JAKMIP2: variants seen among roughly 807,000 people sequenced by gnomAD.
JAKMIP2 encodes the protein janus kinase and microtubule interacting protein 2, also known as janus kinase and microtubule-interacting protein 2.
JAKMIP2 carries 25 observed loss-of-function variants against 115.0 expected under a neutral mutation model. The ratio of observed to expected loss-of-function variants is 0.22; its 90% CI spans 0.16 to 0.30. The LOEUF is 0.30. Among genes scored for constraint, JAKMIP2 ranks in the 10% least tolerant of loss-of-function variants. The probability of loss-of-function intolerance (pLI) is 1.00; values close to 1 mark genes in which losing one functional copy is unlikely to be tolerated. For missense variants in JAKMIP2, 642 were observed against 957.6 expected, an observed-to-expected ratio of 0.67 and a Z score of 4.35; for synonymous variants, 334 against 343.6, an observed-to-expected ratio of 0.97 and a Z score of 0.31.
chr5:147,723,783 TC>T (rs1397259227), intron 1 of JAKMIP2, among the ~76,000 whole-genome samples: 1 of 152,166 alleles, frequency 6.6e-6, no homozygotes, highest in African/African-American at 2.4e-5. Flanking sequence ...TTCTGTCTTA[TC>T]CACCAGCCAT....
intron 1 of JAKMIP2, among the ~76,000 whole-genome samples, chr5:147,703,397 G>T (rs1265122199): frequency 6.6e-6 from 1 of 151,998 alleles, no homozygotes; most frequent in Non-Finnish European, 1.5e-5. Flanking sequence ...GAAAATAAAT[G>T]GTACACCTGT....
intron 14 of JAKMIP2, 64 bp from the exon 15 acceptor site, chr5:147,629,810 A>G: frequency 7.7e-7 from 1 of 1,293,250 alleles, no homozygotes. Context: ...TCAGTGCCTG[A>G]ACATGAAGTT....
chr5:147,596,886 T>C (rs769889171), intron 21 of JAKMIP2, among the ~76,000 whole-genome samples: 3 of 152,028 alleles, frequency 2.0e-5, no homozygotes, highest in Non-Finnish European at 4.4e-5. Context: ...ATTTTTTTGG[T>C]GGGGGGATGG....
At chr5:147,604,989 C>G (rs1474515125) in intron 20 of JAKMIP2, among the ~76,000 whole-genome samples, 2 of 151,736 alleles carry the variant, frequency 1.3e-5, no homozygotes, top group Non-Finnish European at 1.5e-5. Context: ...CCCCACCCCC[C>G]GACAGGCCCT....
intron 1 of JAKMIP2, among the ~76,000 whole-genome samples, chr5:147,693,571 C>T (rs1420667932): frequency 7.2e-5 from 11 of 151,788 alleles, no homozygotes; most frequent in Non-Finnish European, 1.0e-4. Context: ...ATCACAAACA[C>T]ATTTTTTAAT....
chr5:147,779,330 C>G (rs149351072), intron 1 of JAKMIP2, among the ~76,000 whole-genome samples: 1 of 151,976 alleles, frequency 6.6e-6, no homozygotes, highest in African/African-American at 2.4e-5. Flanking sequence ...ACATGAATGA[C>G]ATTTTTAAGA....
At chr5:147,628,304 T>C (rs1049183640) in intron 16 of JAKMIP2, among the ~76,000 whole-genome samples, 6 of 152,158 alleles carry the variant, frequency 3.9e-5, no homozygotes, top group African/African-American at 1.4e-4. Context: ...ACAGTCTCTA[T>C]GTCGGACTTT....
chr5:147,616,501 GATAACT>G (rs1213522817), intron 19 of JAKMIP2, among the ~76,000 whole-genome samples: 7 of 152,142 alleles, frequency 4.6e-5, no homozygotes, highest in African/African-American at 1.4e-4. Context: ...AATAAATTTA[GATAACT>G]ATGAGTCCAT....
intron 13 of JAKMIP2, among the ~76,000 whole-genome samples, chr5:147,631,952 C>G (rs1229707328): frequency 6.6e-6 from 1 of 152,158 alleles, no homozygotes; most frequent in East Asian, 1.9e-4. Context: ...AACTTTTTAT[C>G]CAGACCTAAT....
intron 7 of JAKMIP2, among the ~76,000 whole-genome samples, chr5:147,642,700 CT>C (rs1027506459): frequency 6.6e-5 from 10 of 151,352 alleles, no homozygotes; most frequent in African/African-American, 2.4e-4. Context: ...AATGCAGCCT[CT>C]ATATATGAGA....
At chr5:147,610,069 A>T (rs919998859) in intron 20 of JAKMIP2, among the ~76,000 whole-genome samples, 1 of 152,182 alleles carries the variant, frequency 6.6e-6, no homozygotes, top group Non-Finnish European at 1.5e-5. Context: ...TATTCTAGTT[A>T]GCAATTCCTC....
chr5:147,731,453 T>G (rs1252544099), intron 1 of JAKMIP2, among the ~76,000 whole-genome samples: 1 of 152,176 alleles, frequency 6.6e-6, no homozygotes, highest in Non-Finnish European at 1.5e-5. Flanking sequence ...TGGGAATAAA[T>G]GAGGACTGTT....
intron 16 of JAKMIP2, among the ~76,000 whole-genome samples, chr5:147,628,302 T>C (rs1396805722): frequency 2.6e-5 from 4 of 152,142 alleles, no homozygotes; most frequent in Admixed American, 2.0e-4. Flanking sequence ...TGACAGTCTC[T>C]ATGTCGGACT....
intron 1 of JAKMIP2, among the ~76,000 whole-genome samples, chr5:147,693,465 C>T (rs1751964147): frequency 6.6e-6 from 1 of 152,164 alleles, no homozygotes; most frequent in Non-Finnish European, 1.5e-5. Context: ...ATCAGAACTA[C>T]ACATTGCAAA....
intron 1 of JAKMIP2, among the ~76,000 whole-genome samples, chr5:147,682,531 T>C (rs556819115): frequency 2.6e-4 from 39 of 152,332 alleles, no homozygotes; most frequent in African/African-American, 8.9e-4. Context: ...TAATTATTAT[T>C]CAGGTGACTG....
intron 2 of JAKMIP2, among the ~76,000 whole-genome samples, chr5:147,666,803 T>A (rs1759320341): frequency 6.6e-6 from 1 of 152,192 alleles, no homozygotes; most frequent in Admixed American, 6.5e-5. Flanking sequence ...ATCATTCTCT[T>A]ACGGCTATTG....
intron 1 of JAKMIP2, among the ~76,000 whole-genome samples, chr5:147,683,133 A>T (rs1760383706): frequency 6.6e-6 from 1 of 152,250 alleles, no homozygotes; most frequent in African/African-American, 2.4e-5. Context: ...AGGCAGAGCA[A>T]GAAACATGCA....
At chr5:147,769,016 G>A (rs1232569765) in intron 1 of JAKMIP2, among the ~76,000 whole-genome samples, 1 of 152,038 alleles carries the variant, frequency 6.6e-6, no homozygotes, top group East Asian at 1.9e-4. Context: ...GTTGAATTTG[G>A]GCATGTTCCT....
In JAKMIP2 at chr5:147,650,479, G is replaced by A. The variant is rs1354548850; in HGVS notation, c.696C>T (p.Gly232=). Residue 232 remains glycine, a synonymous_variant, in exon 4 of 22, where the codon GGC becomes GGT. Coordinates refer to ENST00000616793, the MANE Select transcript of JAKMIP2 (RefSeq NM_001270941.2). ...TCTGAAGTTGGAGTTTCTGTACATA[G>A]CCTGTCTGGGTCTCCAGTTCCTTTT... is the stretch of plus-strand genomic sequence containing the variant. ...SLEKELETQT[G]YVQKLQLQKE... 1 of 1,613,794 alleles carries A rather than the reference G, an allele frequency of 6.2e-7. No individual in the cohort carries two copies. The highest frequency in any genetic ancestry group is 8.5e-7 in the Non-Finnish European group (1 of 1,179,796).
Sources: gnomAD v4.1 joint callset for allele counts (sites outside exome capture counted in the v4.1 genomes callset) on GRCh38, gnomAD v4.1.1 for gene constraint, MANE v1.5 for transcripts, NCBI Gene and HGNC (gene_info 2026-07-23, HGNC 2026-07-21) for gene names.